NRXN3: variants seen among roughly 807,000 people sequenced by gnomAD.
NRXN3 encodes the protein neurexin III.
A neutral mutation model predicts 137.6 loss-of-function variants in NRXN3; 32 were observed. The observed-to-expected ratio is 0.23, with a 90% CI of 0.18 to 0.31. The LOEUF (loss-of-function observed/expected upper bound fraction) is 0.31, where lower values mean the gene tolerates loss of function less well. Ranked by LOEUF, NRXN3 falls within the 10% of genes least tolerant of loss-of-function variation. The probability of loss-of-function intolerance (pLI) is 1.00; values close to 1 mark genes in which losing one functional copy is unlikely to be tolerated. For missense variants in NRXN3, 1,574 were observed against 2,062.5 expected, an observed-to-expected ratio of 0.76 and a Z score of 4.59; for synonymous variants, 798 against 784.5, an observed-to-expected ratio of 1.02 and a Z score of -0.29.
At chr14:78,797,166 C>A (rs1191149541) in intron 8 of NRXN3, among the ~76,000 whole-genome samples, 1 of 152,104 alleles carries the variant, frequency 6.6e-6, no homozygotes, top group Non-Finnish European at 1.5e-5. Flanking sequence ...GAGACGAGAG[C>A]CGTCTGCCGA....
At chr14:79,626,529 C>T (rs2098283258) in intron 16 of NRXN3, among the ~76,000 whole-genome samples, 1 of 152,078 alleles carries the variant, frequency 6.6e-6, no homozygotes, top group African/African-American at 2.4e-5. Context: ...CAAACATCTC[C>T]ATGAACCCAC....
At chr14:79,508,408 A>ATTTTTTTTTTTTTTTTG (rs2096900276) in intron 16 of NRXN3, among the ~76,000 whole-genome samples, 1 of 1,714 alleles carries the variant, frequency 5.8e-4, no homozygotes, top group African/African-American at 2.9e-3. Context: ...TTTTTTTTTA[A>ATTTTTTTTTTTTTTTTG]GACAGAGTCT....
chr14:79,012,319 G>T (rs1276215528), intron 15 of NRXN3, among the ~76,000 whole-genome samples: 2 of 152,138 alleles, frequency 1.3e-5, no homozygotes, highest in African/African-American at 2.4e-5. Flanking sequence ...ATTTAAGATG[G>T]AACAGCTAAT....
intron 4 of NRXN3, among the ~76,000 whole-genome samples, chr14:78,310,581 C>T (rs149539833): frequency 2.8e-4 from 43 of 152,012 alleles, no homozygotes; most frequent in East Asian, 1.7e-3. Flanking sequence ...CAAATTGTTA[C>T]GAGTGAGGTT....
intron 2 of NRXN3, among the ~76,000 whole-genome samples, chr14:78,246,818 A>T (rs1424492424): frequency 6.6e-6 from 1 of 152,190 alleles, no homozygotes; most frequent in Non-Finnish European, 1.5e-5. Flanking sequence ...TTTTCCAAAG[A>T]TAATGTGGTG....
At chr14:79,584,064 T>C (rs1206201999) in intron 16 of NRXN3, among the ~76,000 whole-genome samples, 1 of 150,686 alleles carries the variant, frequency 6.6e-6, no homozygotes, top group African/African-American at 2.5e-5. Flanking sequence ...GGAAAATAGA[T>C]TTTAAAGTTG....
intron 16 of NRXN3, among the ~76,000 whole-genome samples, chr14:79,500,105 G>T (rs1411566699): frequency 6.6e-6 from 1 of 151,844 alleles, no homozygotes; most frequent in Non-Finnish European, 1.5e-5. Context: ...ACAAAGAAAG[G>T]TGCTTCTGTT....
chr14:79,686,439 T>C (rs940730481), intron 17 of NRXN3, among the ~76,000 whole-genome samples: 3 of 152,128 alleles, frequency 2.0e-5, no homozygotes, highest in Non-Finnish European at 4.4e-5. Flanking sequence ...CTTTCTTTTC[T>C]AAGCCTTAGG....
At chr14:78,573,631 T>C (rs1451248277) in intron 4 of NRXN3, among the ~76,000 whole-genome samples, 1 of 152,174 alleles carries the variant, frequency 6.6e-6, no homozygotes, top group Non-Finnish European at 1.5e-5. Context: ...AAGCAGCAAA[T>C]CATTCAAGAG....
chr14:78,269,780 A>G (rs547630282), intron 2 of NRXN3, among the ~76,000 whole-genome samples: 1 of 152,244 alleles, frequency 6.6e-6, no homozygotes, highest in East Asian at 1.9e-4. Flanking sequence ...TGCAGAACTC[A>G]CCTCCACTGA....
intron 15 of NRXN3, among the ~76,000 whole-genome samples, chr14:79,121,436 T>C (rs1596186369): frequency 6.6e-6 from 1 of 152,216 alleles, no homozygotes; most frequent in Non-Finnish European, 1.5e-5. Context: ...ATGAATACCT[T>C]GCAGCCTCTC....
chr14:78,638,865 G>A (rs1566948864), intron 4 of NRXN3, among the ~76,000 whole-genome samples: 2 of 152,336 alleles, frequency 1.3e-5, no homozygotes, highest in East Asian at 3.9e-4. Flanking sequence ...CCCCAGGAAT[G>A]AGTAGAACTG....
chr14:78,462,595 T>C (rs1485914565), intron 4 of NRXN3, among the ~76,000 whole-genome samples: 1 of 152,230 alleles, frequency 6.6e-6, no homozygotes, highest in Non-Finnish European at 1.5e-5. Flanking sequence ...TCTTAATTTA[T>C]TTACTTGTTA....
chr14:78,564,134 T>G (rs60650553), intron 4 of NRXN3, among the ~76,000 whole-genome samples: 7,318 of 152,206 alleles, frequency 0.048, 253 homozygotes, highest in African/African-American at 0.1. Context: ...GGGGAAAAAA[T>G]CCTAGTGAAT....
intron 17 of NRXN3, among the ~76,000 whole-genome samples, chr14:79,674,905 T>C (rs2098632254): frequency 1.3e-5 from 2 of 152,044 alleles, no homozygotes; most frequent in Admixed American, 1.3e-4. Context: ...AAACTGTATA[T>C]CCCAGAGGAA....
intron 4 of NRXN3, among the ~76,000 whole-genome samples, chr14:78,597,183 A>G (rs2097164367): frequency 6.6e-6 from 1 of 152,232 alleles, no homozygotes; most frequent in South Asian, 2.1e-4. Context: ...AGAAGCTGGA[A>G]TAAATGCAGG....
At chr14:78,433,041 C>T (rs1325907497) in intron 4 of NRXN3, among the ~76,000 whole-genome samples, 2 of 152,156 alleles carry the variant, frequency 1.3e-5, no homozygotes, top group African/African-American at 4.8e-5. Flanking sequence ...TTTGATGAGT[C>T]CCCCTCCTTA....
At chr14:78,632,329 G>A (rs1403833994) in intron 4 of NRXN3, among the ~76,000 whole-genome samples, 1 of 152,084 alleles carries the variant, frequency 6.6e-6, no homozygotes, top group Non-Finnish European at 1.5e-5. Context: ...TTTAGCAGCT[G>A]GTGAAGGGTG....
chr14:78,592,798 T>G (rs2097127991), intron 4 of NRXN3, among the ~76,000 whole-genome samples: 1 of 152,202 alleles, frequency 6.6e-6, no homozygotes, highest in African/African-American at 2.4e-5. Flanking sequence ...GCGTGACAAC[T>G]GGGGACTCGA....
Sources: gnomAD v4.1 joint callset for allele counts (sites outside exome capture counted in the v4.1 genomes callset) on GRCh38, gnomAD v4.1.1 for gene constraint, MANE v1.5 for transcripts, NCBI Gene and HGNC (gene_info 2026-07-23, HGNC 2026-07-21) for gene names.